The following NPHP4 variants were observed in gnomAD, a reference collection of about 807,000 sequenced individuals.
The protein encoded by NPHP4 is nephrocystin-4.
A neutral mutation model predicts 155.8 loss-of-function variants in NPHP4; 151 were observed. The observed-to-expected ratio is 0.97, with a 90% CI of 0.85 to 1.11. The LOEUF is 1.11. NPHP4 is among the 50% of genes least tolerant of loss of function. NPHP4 has a pLI of 0.00. For synonymous variants in NPHP4, 845 were observed against 816.8 expected, an observed-to-expected ratio of 1.03 and a Z score of -0.59; for missense variants, 1,956 against 1,925.7, an observed-to-expected ratio of 1.02 and a Z score of -0.29.
intron 11 of NPHP4, among the ~76,000 whole-genome samples, chr1:5,915,935 G>A (rs1378307679): frequency 6.6e-6 from 1 of 152,176 alleles, no homozygotes; most frequent in East Asian, 1.9e-4. Flanking sequence ...GCTGCTGTCT[G>A]TCGGAGAGGA....
intron 6 of NPHP4, 130 bp downstream of exon 6, chr1:5,961,664 G>A: frequency 1.3e-6 from 1 of 779,294 alleles, no homozygotes; most frequent in Non-Finnish European, 2.1e-6. Context: ...CCCCCGCCAG[G>A]CCGTGCTGCT....
intron 1 of NPHP4, among the ~76,000 whole-genome samples, chr1:5,990,061 C>G (rs1440064943): frequency 6.6e-6 from 1 of 152,236 alleles, no homozygotes. Flanking sequence ...CGCAGCAGCT[C>G]TCACTGCCAT....
chr1:5,926,110 T>C (rs1197448134), intron 11 of NPHP4, among the ~76,000 whole-genome samples: 1 of 152,168 alleles, frequency 6.6e-6, no homozygotes, highest in African/African-American at 2.4e-5. Context: ...GGACTGTACA[T>C]TTCAGTGCCG....
At chr1:5,891,979 G>A (rs1464763505) in intron 16 of NPHP4, among the ~76,000 whole-genome samples, 2 of 152,246 alleles carry the variant, frequency 1.3e-5, no homozygotes, top group East Asian at 1.9e-4. Flanking sequence ...GGGCCCCAAG[G>A]GGGTGGAGCA....
chr1:5,960,003 G>A (rs1570645611), intron 6 of NPHP4, among the ~76,000 whole-genome samples: 1 of 152,224 alleles, frequency 6.6e-6, no homozygotes, highest in African/African-American at 2.4e-5. Flanking sequence ...CGCCTACAGG[G>A]CCCTCCCTGG....
chr1:5,955,298 A>T (rs1252376474), intron 6 of NPHP4, among the ~76,000 whole-genome samples: 1 of 152,256 alleles, frequency 6.6e-6, no homozygotes, highest in African/African-American at 2.4e-5. Context: ...GCAAATTACA[A>T]CAGCCACTAT....
At chr1:5,946,105 A>T (rs764414441) in intron 9 of NPHP4, among the ~76,000 whole-genome samples, 1 of 152,254 alleles carries the variant, frequency 6.6e-6, no homozygotes, top group Non-Finnish European at 1.5e-5. Context: ...ATGTATATGC[A>T]GGACAAAACC....
intron 2 of NPHP4, among the ~76,000 whole-genome samples, chr1:5,982,413 T>G (rs112671841): frequency 1.2e-3 from 180 of 152,350 alleles, no homozygotes; most frequent in South Asian, 9.9e-3. Flanking sequence ...GGAGCCTAGG[T>G]GTGAGGCAGG....
intron 5 of NPHP4, among the ~76,000 whole-genome samples, chr1:5,966,793 G>C (rs1263851215): frequency 6.6e-6 from 1 of 152,012 alleles, no homozygotes; most frequent in African/African-American, 2.4e-5. Context: ...CCTCCAGGCA[G>C]GCAGCAGCAG....
At chr1:5,880,389 T>A in intron 18 of NPHP4, 150 bp from the exon 19 acceptor site, 1 of 744,202 alleles carries the variant, frequency 1.3e-6, no homozygotes, top group African/African-American at 1.8e-5. Flanking sequence ...TTGAATGTTT[T>A]GCAATTGAGA....
In NPHP4 at chr1:5,890,832, GC is replaced by G. The variant is rs781275319; in HGVS notation, c.2304+35del. On this transcript the variant is annotated intron_variant, in intron 17 of 29. Transcript: ENST00000378156. This position sits in a 1 kb window ranked among gnomAD's most constrained non-coding sequence, Gnocchi z 4.9. ...CGTGACTCGTCCCATGAGGGACGCA[GC>G]ACCCACTGTGCCTGTCCTTCCAGAG... The G allele has an allele frequency of 6.3e-7, 1 of 1,585,238 alleles. No homozygotes were observed. Among genetic ancestry groups the G allele is most frequent in the South Asian group, 1.1e-5 (1 of 88,658 alleles).
chr1:5,973,830 C>A (rs1653023584), intron 3 of NPHP4, among the ~76,000 whole-genome samples: 1 of 152,258 alleles, frequency 6.6e-6, no homozygotes, highest in South Asian at 2.1e-4. Flanking sequence ...CCCTCCCCAG[C>A]TGCAAACAGA....
chr1:5,876,888 G>A, intron 20 of NPHP4: 2 of 412,930 alleles, frequency 4.8e-6, no homozygotes, highest in Non-Finnish European at 8.7e-6. Context: ...TGACGCCCAA[G>A]AACTGGCTTT....
At chr1:5,904,546 A>G (rs1025569487) in intron 16 of NPHP4, 71 bp downstream of exon 16, 22 of 1,236,716 alleles carry the variant, frequency 1.8e-5, no homozygotes, top group Admixed American at 2.3e-5. Context: ...CACTTATTTA[A>G]TAACACTGAC....
chr1:5,874,737 G>GGGA, intron 21 of NPHP4, 80 bp from the exon 22 acceptor site: 1 of 1,533,846 alleles, frequency 6.5e-7, no homozygotes, highest in Non-Finnish European at 8.9e-7. Flanking sequence ...CCCACCGAGA[G>GGGA]CGGTGCTCAG....
intron 1 of NPHP4, among the ~76,000 whole-genome samples, chr1:5,986,703 TAAA>T (rs1655542115): frequency 6.6e-6 from 1 of 151,874 alleles, no homozygotes; most frequent in Admixed American, 6.6e-5. Flanking sequence ...TTTTCAGAAA[TAAA>T]AATAAAATGG....
At chr1:5,973,300 C>T (rs186893788) in intron 3 of NPHP4, among the ~76,000 whole-genome samples, 5 of 152,262 alleles carry the variant, frequency 3.3e-5, no homozygotes, top group African/African-American at 4.8e-5. Flanking sequence ...ACCTCAACTC[C>T]GACGCCCATG....
chr1:5,967,450 C>T (rs1205461562), intron 4 of NPHP4, 87 bp from the exon 5 acceptor site: 2 of 988,720 alleles, frequency 2.0e-6, no homozygotes, highest in Admixed American at 2.0e-5. Flanking sequence ...CACCACCACG[C>T]CCACTAGAGC....
intron 11 of NPHP4, among the ~76,000 whole-genome samples, chr1:5,911,828 G>A (rs192130523): frequency 4.6e-4 from 70 of 152,272 alleles, no homozygotes; most frequent in Middle Eastern, 3.4e-3. Flanking sequence ...ATGGGTTAAG[G>A]TGCTTCCCAA....
Sources: gnomAD v4.1 joint callset for allele counts (sites outside exome capture counted in the v4.1 genomes callset) on GRCh38, gnomAD v4.1.1 for gene constraint, Gnocchi (gnomAD v3.1) non-coding constraint, MANE v1.5 for transcripts, NCBI Gene and HGNC (gene_info 2026-07-23, HGNC 2026-07-21) for gene names.